Variants in PPP2R3A observed in about 807,000 individuals in gnomAD.
PPP2R3A encodes the protein serine/threonine-protein phosphatase 2A regulatory subunit B'' subunit alpha.
PPP2R3A carries 80 observed loss-of-function variants against 106.9 expected under a neutral mutation model. The observed-to-expected ratio is 0.75, with a 90% confidence interval of 0.62 to 0.90. The LOEUF is 0.90. Ranked by LOEUF, PPP2R3A falls within the 40% of genes least tolerant of loss-of-function variation. The pLI is 0.00. For synonymous variants in PPP2R3A, 483 were observed against 468.3 expected (o/e 1.03, Z -0.41); for missense variants, 1,386 against 1,350.4 (o/e 1.03, Z -0.41).
chr3:136,016,503 G>T (rs1934272746), intron 2 of PPP2R3A, among the ~76,000 whole-genome samples: 1 of 152,134 alleles, frequency 6.6e-6, no homozygotes, highest in Admixed American at 6.5e-5. Context: ...GAGCTCCAGT[G>T]TCAGGTGCAT....
chr3:136,083,041 G>A (rs551695351), intron 8 of PPP2R3A, among the ~76,000 whole-genome samples: 4 of 152,170 alleles, frequency 2.6e-5, no homozygotes, highest in East Asian at 1.9e-4. Flanking sequence ...TTGAGACAGC[G>A]TCTCACTTTG....
At chr3:136,138,695 A>ATGTTTTTT (rs1938723252) in intron 13 of PPP2R3A, among the ~76,000 whole-genome samples, 1 of 50,598 alleles carries the variant, frequency 2.0e-5, no homozygotes, top group Non-Finnish European at 3.2e-5. Flanking sequence ...GAAATATTGA[A>ATGTTTTTT]TTTTTTTTTT....
intron 3 of PPP2R3A, 21 bp from the exon 4 acceptor site, chr3:136,040,838 G>A: frequency 6.3e-7 from 1 of 1,598,332 alleles, no homozygotes; most frequent in East Asian, 2.2e-5. Flanking sequence ...GGCTTACCCT[G>A]TATGTGTTTT....
At chr3:136,000,940 G>T in intron 1 of PPP2R3A, 119 bp from the exon 2 acceptor site, 1 of 383,108 alleles carries the variant, frequency 2.6e-6, no homozygotes, top group Non-Finnish European at 4.6e-6. Flanking sequence ...AATATCAGCT[G>T]TAAGGGATAT....
intron 13 of PPP2R3A, among the ~76,000 whole-genome samples, chr3:136,139,397 T>C (rs1938758168): frequency 1.3e-5 from 2 of 152,056 alleles, no homozygotes; most frequent in Admixed American, 6.6e-5. Flanking sequence ...AAAACTATGT[T>C]AGAGAATTTG....
intron 13 of PPP2R3A, among the ~76,000 whole-genome samples, chr3:136,130,449 C>G (rs1001489801): frequency 1.3e-5 from 2 of 152,166 alleles, no homozygotes; most frequent in Non-Finnish European, 2.9e-5. Flanking sequence ...ATCCCACTTA[C>G]AAGGGATGTG....
At chr3:135,966,992 A>C (rs1214317207) in intron 1 of PPP2R3A, among the ~76,000 whole-genome samples, 1 of 151,208 alleles carries the variant, frequency 6.6e-6, no homozygotes. Context: ...GTTGTAGTAA[A>C]ACTGTTGTTT....
chr3:136,102,887 G>A (rs1182594404), intron 11 of PPP2R3A, among the ~76,000 whole-genome samples: 1 of 152,080 alleles, frequency 6.6e-6, no homozygotes, highest in Non-Finnish European at 1.5e-5. Flanking sequence ...CTTAGACACA[G>A]AAAGCACATG....
intron 4 of PPP2R3A, among the ~76,000 whole-genome samples, chr3:136,044,248 A>G (rs1935394484): frequency 6.6e-6 from 1 of 152,250 alleles, no homozygotes; most frequent in African/African-American, 2.4e-5. Flanking sequence ...GTATAGCTCT[A>G]ATAAGCACAA....
chr3:135,974,137 A>G (rs1214893665), intron 1 of PPP2R3A, among the ~76,000 whole-genome samples: 2 of 152,088 alleles, frequency 1.3e-5, no homozygotes, highest in Non-Finnish European at 2.9e-5. Context: ...CATTCTCTGC[A>G]TTTCCCTCTC....
chr3:136,091,801 G>GA (rs1937099150), intron 10 of PPP2R3A, among the ~76,000 whole-genome samples: 1 of 151,938 alleles, frequency 6.6e-6, no homozygotes, highest in Non-Finnish European at 1.5e-5. Flanking sequence ...TTAATACCCA[G>GA]AAAAAAATAT....
chr3:136,014,614 A>T (rs560875275), intron 2 of PPP2R3A, among the ~76,000 whole-genome samples: 1 of 152,006 alleles, frequency 6.6e-6, no homozygotes, highest in African/African-American at 2.4e-5. Context: ...TGAGTTCTTG[A>T]TTTGATTCTC....
At chr3:136,129,873 TA>T (rs1470272872) in intron 13 of PPP2R3A, among the ~76,000 whole-genome samples, 5 of 152,230 alleles carry the variant, frequency 3.3e-5, no homozygotes, top group African/African-American at 9.6e-5. Flanking sequence ...CGCAAATCAA[TA>T]AATGTAATCC....
At chr3:136,035,672 T>C (rs1247965079) in intron 3 of PPP2R3A, among the ~76,000 whole-genome samples, 1 of 152,216 alleles carries the variant, frequency 6.6e-6, no homozygotes, top group Non-Finnish European at 1.5e-5. Context: ...TCCTTTATCT[T>C]AACTTTAGAT....
At chr3:136,054,182 C>T (rs1559891781) in intron 5 of PPP2R3A, among the ~76,000 whole-genome samples, 2 of 151,378 alleles carry the variant, frequency 1.3e-5, no homozygotes, top group East Asian at 1.9e-4. Context: ...ATTCCCCCTA[C>T]ACACATACAC....
chr3:136,044,535 C>T (rs1024491694), intron 4 of PPP2R3A, among the ~76,000 whole-genome samples: 9 of 135,170 alleles, frequency 6.7e-5, no homozygotes, highest in African/African-American at 2.6e-4. Flanking sequence ...CATGAGACTG[C>T]ACCACAGCCT....
chr3:135,977,789 T>TC (rs1937459837), intron 1 of PPP2R3A, among the ~76,000 whole-genome samples: 1 of 146,772 alleles, frequency 6.8e-6, no homozygotes, highest in Non-Finnish European at 1.5e-5. Context: ...GACCTCCGCT[T>TC]CCCGGGCTCA....
chr3:136,083,906 A>G (rs979221113), intron 8 of PPP2R3A, among the ~76,000 whole-genome samples: 2 of 152,224 alleles, frequency 1.3e-5, no homozygotes, highest in South Asian at 2.1e-4. Flanking sequence ...GAAAGAGATG[A>G]TTTGGGGTAT....
chr3:136,102,220 A>T, intron 11 of PPP2R3A, 38 bp downstream of exon 11: 1 of 1,604,012 alleles, frequency 6.2e-7, no homozygotes, highest in African/African-American at 1.3e-5. Flanking sequence ...CTGTTCACCT[A>T]TGTATCAGAG....
Sources: gnomAD v4.1 joint callset for allele counts (sites outside exome capture counted in the v4.1 genomes callset) on GRCh38, gnomAD v4.1.1 for gene constraint, MANE v1.5 for transcripts, NCBI Gene and HGNC (gene_info 2026-07-23, HGNC 2026-07-21) for gene names.